Variants in TRDMT1 observed in about 807,000 individuals in gnomAD.
TRDMT1 encodes the protein tRNA aspartic acid methyltransferase 1, also known as tRNA (cytosine(38)-C(5))-methyltransferase.
In TRDMT1, 49 loss-of-function variants were observed where a neutral mutation model predicts 51.2. The ratio of observed to expected loss-of-function variants is 0.96; its 90% CI spans 0.76 to 1.21. The LOEUF (loss-of-function observed/expected upper bound fraction) is 1.21, where lower values mean the gene tolerates loss of function less well. TRDMT1 is among the 50% of genes most tolerant of loss of function. The pLI, the probability that TRDMT1 is intolerant of heterozygous loss-of-function variation, is 0.00. For missense variants in TRDMT1, 534 were observed against 462.3 expected (o/e 1.16, Z -1.42); for synonymous variants, 187 against 164.6 (o/e 1.14, Z -1.04).
chr10:17,148,769 T>C lies in TRDMT1; in HGVS notation c.*271A>G. 1.9e-6 allele frequency: 2 copies of C among 1,042,956 alleles called. No individual in the cohort carries two copies. Among genetic ancestry groups the C allele is most frequent in the Non-Finnish European group, 2.3e-6 (2 of 864,014 alleles). 64.6% of individuals were successfully genotyped at this position (1,042,956 alleles called of 1,614,324 possible). A position where few individuals can be genotyped will look rare whatever the true frequency, so the allele number is the denominator to read the frequency against. On this transcript the variant is annotated 3_prime_UTR_variant, in exon 11 of 11. Transcript: ENST00000377799. ...CTCCTTGATTTGTTTATAAAATTGT[T>C]TTTAAAAAGAATATTCCACATATAT...
Position 17,138,962 on chromosome 10 carries a change from C to T in TRDMT1, c.*10078G>A, listed in dbSNP as rs1837504847. Among the ~76,000 whole-genome samples, 1 of 152,042 alleles carries T rather than the reference C, an allele frequency of 6.6e-6. No homozygotes were observed. Among genetic ancestry groups the T allele is most frequent in the Non-Finnish European group, 1.5e-5 (1 of 68,020 alleles). ...AATGTTACAGAAAACATAAAATATG[C>T]ACTGGAGGGTCTCGCATCATTATAA... is the stretch of plus-strand genomic sequence containing the variant. On this transcript the variant is annotated 3_prime_UTR_variant, in exon 11 of 11. Transcript: ENST00000377799.
intron 1 of TRDMT1, among the ~76,000 whole-genome samples, chr10:17,182,029 G>A (rs1451390598): frequency 6.6e-6 from 1 of 152,130 alleles, no homozygotes; most frequent in Non-Finnish European, 1.5e-5. Flanking sequence ...TAGCCAGACC[G>A]GTTTCAGGAT....
chr10:17,191,290 C>T (rs1350014706), intron 1 of TRDMT1, among the ~76,000 whole-genome samples: 1 of 152,146 alleles, frequency 6.6e-6, no homozygotes, highest in Non-Finnish European at 1.5e-5. Flanking sequence ...ACAGTAATAA[C>T]TTATCAGATA....
In TRDMT1 at chr10:17,153,490, G is replaced by C; in HGVS notation, c.1075+17C>G. Reference sequence around the variant, plus strand: ...TTTTAATACATGAAAGCTGAATTCTGCACGTATCCCACATACCGAACTCTG... The same window carrying C: ...TTTTAATACATGAAAGCTGAATTCTCCACGTATCCCACATACCGAACTCTG... On this transcript the variant is annotated intron_variant, in intron 10 of 10. Transcript: ENST00000377799. 1 of 1,613,272 alleles carries C rather than the reference G, an allele frequency of 6.2e-7. No individual in the cohort carries two copies. Among genetic ancestry groups the C allele is most frequent in the Non-Finnish European group, 8.5e-7 (1 of 1,179,686 alleles).
intron 1 of TRDMT1, among the ~76,000 whole-genome samples, chr10:17,177,745 C>CACACACACACAG (rs1233983017): frequency 1.3e-5 from 2 of 151,694 alleles, no homozygotes; most frequent in Admixed American, 1.3e-4. Flanking sequence ...CACACACACA[C>CACACACACACAG]AGACATTTGA....
chr10:17,155,373 C>G (rs1038084377), intron 8 of TRDMT1, among the ~76,000 whole-genome samples: 1 of 152,048 alleles, frequency 6.6e-6, no homozygotes, highest in Non-Finnish European at 1.5e-5. Context: ...ACTTTATATT[C>G]AAATATAATT....
chr10:17,188,303 T>TC (rs1427938458), intron 1 of TRDMT1, among the ~76,000 whole-genome samples: 1 of 152,200 alleles, frequency 6.6e-6, no homozygotes, highest in Non-Finnish European at 1.5e-5. Context: ...AAAGGATTTA[T>TC]CCCCTGACTA....
At chr10:17,184,060 G>A (rs963515153) in intron 1 of TRDMT1, among the ~76,000 whole-genome samples, 3 of 152,104 alleles carry the variant, frequency 2.0e-5, no homozygotes, top group Non-Finnish European at 4.4e-5. Flanking sequence ...GCTAGCATAC[G>A]CCCAAAAAAT....
Position 17,175,869 on chromosome 10 carries a change from C to A in TRDMT1, c.65-1209G>T, listed in dbSNP as rs956835482. ...GCACAAATGTCTCCAAGGATTGATACTAAATGGCTGCTAGGCTCAAGACAC... is the reference window on the plus strand; with the variant it reads ...GCACAAATGTCTCCAAGGATTGATAATAAATGGCTGCTAGGCTCAAGACAC... On this transcript the variant is annotated intron_variant, in intron 1 of 10. Transcript: ENST00000377799. 3.3e-5 allele frequency among the ~76,000 whole-genome samples: 5 copies of A among 152,220 alleles called. No homozygotes were observed. The South Asian group carries it at 1.0e-3, about 32-fold the overall frequency.
Position 17,160,394 on chromosome 10 carries a change from A to C in TRDMT1, c.390-20T>G. The C allele has an allele frequency of 7.0e-7, 1 of 1,433,970 alleles. No individual in the cohort carries two copies. Among genetic ancestry groups the C allele is most frequent in the Non-Finnish European group, 9.4e-7 (1 of 1,065,044 alleles). 88.8% of individuals were successfully genotyped at this position (1,433,970 alleles called of 1,614,324 possible). On this transcript the variant is annotated intron_variant, in intron 5 of 10. Transcript: ENST00000377799. ...AGGTCTCTAAAAAGAAAAAAAAAAA[A>C]CTTTAATTCTTACTTGGAAAGGCAG...
chr10:17,157,545 A>T lies in TRDMT1; in HGVS notation c.783T>A (p.Thr261=). The change falls in exon 8 of 11, where the codon ACT becomes ACA. Residue 261 remains threonine (T), a synonymous_variant. Coordinates refer to ENST00000377799, the MANE Select transcript of TRDMT1 (RefSeq NM_004412.7). ...KMLKDFLEDD[T]DVNQYLLPPK... Reference sequence around the variant, plus strand: ...GTGGTAAAAGATACTGGTTCACGTCAGTGTCATCTTCAAGAAAATCTTTTA... The same window carrying T: ...GTGGTAAAAGATACTGGTTCACGTCTGTGTCATCTTCAAGAAAATCTTTTA... 6.2e-7 allele frequency: 1 copy of T among 1,614,118 alleles called. No individual in the cohort carries two copies.
chr10:17,145,075 C>T lies in TRDMT1; in HGVS notation c.*3965G>A, dbSNP rs1246342262. 15 of 701,818 alleles carry T rather than the reference C, an allele frequency of 2.1e-5. No individual in the cohort carries two copies. Among genetic ancestry groups the T allele is most frequent in the Non-Finnish European group, 2.5e-5 (14 of 571,044 alleles). 43.5% of individuals were successfully genotyped at this position (701,818 alleles called of 1,614,324 possible). A position where few individuals can be genotyped will look rare whatever the true frequency, so the allele number is the denominator to read the frequency against. On this transcript the variant is annotated 3_prime_UTR_variant, in exon 11 of 11. Transcript: ENST00000377799. ...GACCAGCCTGGCCAACATGGTGAAACCCGATCTCTACTAATACAAAAATTA... is the reference window on the plus strand; with the variant it reads ...GACCAGCCTGGCCAACATGGTGAAATCCGATCTCTACTAATACAAAAATTA...
At chr10:17,155,170 C>G (rs770690727) in intron 8 of TRDMT1, among the ~76,000 whole-genome samples, 1 of 152,002 alleles carries the variant, frequency 6.6e-6, no homozygotes, top group Non-Finnish European at 1.5e-5. Context: ...GCCAAGATCA[C>G]GCCACTGCAC....
Position 17,140,234 on chromosome 10 carries a change from C to A in TRDMT1, c.*8806G>T, listed in dbSNP as rs953772806. On this transcript the variant is annotated 3_prime_UTR_variant, in exon 11 of 11. Transcript: ENST00000377799. ...CAGCTATTTTTTTTTTTTTTTTGTA[C>A]CTTTAGTAGAGATAGGGTTTTATCA... Among the ~76,000 whole-genome samples, 6 of 139,524 alleles carry A rather than the reference C, an allele frequency of 4.3e-5. No individual in the cohort carries two copies. The highest frequency in any genetic ancestry group is 2.2e-4 in the Admixed American group (3 of 13,670). The allele number at this position is 139,524 out of a possible 152,430, so 91.5% of individuals were successfully genotyped here.
chr10:17,162,334 GA>G, intron 3 of TRDMT1, 97 bp from the exon 4 acceptor site: 1 of 1,175,756 alleles, frequency 8.5e-7, no homozygotes, highest in Non-Finnish European at 1.2e-6. Context: ...GTCAAAAGGA[GA>G]ATAAAAATAA....
At chr10:17,169,565 G>GAAGC in intron 2 of TRDMT1, 1 of 1,280,994 alleles carries the variant, frequency 7.8e-7, no homozygotes, top group Non-Finnish European at 1.0e-6. Flanking sequence ...CAAACACAGG[G>GAAGC]AAGCACACGT....
rs1342096272 is a variant in TRDMT1, at chr10:17,138,447, A to G, written c.*10593T>C. Among the ~76,000 whole-genome samples, 2 of 152,236 alleles carry G rather than the reference A, an allele frequency of 1.3e-5. No homozygotes were observed. Among genetic ancestry groups the G allele is most frequent in the Non-Finnish European group, 2.9e-5 (2 of 68,044 alleles). ...TTTTCCATGAAGGATTACATAAAAT[A>G]ATGATGGAAATCAAGGTACATTTAA... is the stretch of plus-strand genomic sequence containing the variant. On this transcript the variant is annotated 3_prime_UTR_variant, in exon 11 of 11. Coordinates refer to ENST00000377799, the MANE Select transcript of TRDMT1 (RefSeq NM_004412.7).
chr10:17,160,062 C>A (rs941074224), intron 6 of TRDMT1, among the ~76,000 whole-genome samples: 3 of 152,006 alleles, frequency 2.0e-5, no homozygotes, highest in African/African-American at 7.2e-5. Flanking sequence ...ATCCTTTGCT[C>A]TCTAAAAGAG....
chr10:17,153,270 A>G (rs139509027), intron 10 of TRDMT1: 222 of 537,408 alleles, frequency 4.1e-4, no homozygotes, highest in African/African-American at 3.9e-3. Context: ...CCTTCTAGCC[A>G]TGCCAACCTC....
Sources: allele counts gnomAD v4.1 joint callset (sites outside exome capture counted in the v4.1 genomes callset), GRCh38; gene constraint gnomAD v4.1.1; transcripts MANE v1.5; gene names NCBI Gene and HGNC (gene_info 2026-07-23, HGNC 2026-07-21).